The following RAB11FIP3 variants were observed in gnomAD, a reference collection of about 807,000 sequenced individuals.
RAB11FIP3 encodes the protein RAB11 family interacting protein 3.
Under a neutral mutation model 77.8 loss-of-function variants are expected in RAB11FIP3, and 17 were observed. The ratio of observed to expected loss-of-function variants is 0.22; its 90% CI spans 0.15 to 0.33. RAB11FIP3 has a LOEUF of 0.33. Ranked by LOEUF, RAB11FIP3 falls within the 10% of genes least tolerant of loss-of-function variation. The pLI is 1.00. For synonymous variants in RAB11FIP3, 437 were observed against 448.2 expected (o/e 0.98, Z 0.31); for missense variants, 1,005 against 1,011.2 (o/e 0.99, Z 0.08).
chr16:464,820 G>A (rs112056167), intron 2 of RAB11FIP3, among the ~76,000 whole-genome samples: 2,909 of 152,294 alleles, frequency 0.019, 109 homozygotes, highest in African/African-American at 0.065. Context: ...AGGAGGTGGA[G>A]GCTGCAGTGA....
intron 1 of RAB11FIP3, among the ~76,000 whole-genome samples, chr16:446,703 G>T (rs953399956): frequency 6.8e-6 from 1 of 148,040 alleles, no homozygotes; most frequent in Non-Finnish European, 1.5e-5. Flanking sequence ...AAACTTTTTT[G>T]TTTTTTTTTT....
chr16:516,377 T>A (rs1367164194), intron 9 of RAB11FIP3, among the ~76,000 whole-genome samples: 1 of 152,096 alleles, frequency 6.6e-6, no homozygotes, highest in Non-Finnish European at 1.5e-5. Context: ...TGCAGCAATG[T>A]GTAGTATCTG....
intron 2 of RAB11FIP3, among the ~76,000 whole-genome samples, chr16:467,033 G>C (rs927178248): frequency 6.6e-6 from 1 of 152,192 alleles, no homozygotes; most frequent in Non-Finnish European, 1.5e-5. Context: ...GAGTGCTGTC[G>C]AACCAGCCTG....
At chr16:454,466 A>C (rs1207733433) in intron 1 of RAB11FIP3, among the ~76,000 whole-genome samples, 4 of 152,142 alleles carry the variant, frequency 2.6e-5, no homozygotes, top group Non-Finnish European at 5.9e-5. Context: ...AGTCCCAGCT[A>C]CTCAGGAGGC....
chr16:440,538 G>T (rs551237258), intron 1 of RAB11FIP3, among the ~76,000 whole-genome samples: 3 of 152,320 alleles, frequency 2.0e-5, no homozygotes, highest in South Asian at 4.1e-4. Flanking sequence ...TCTCAGCTAG[G>T]CCTGGCCAGC....
intron 10 of RAB11FIP3, 70 bp downstream of exon 10, chr16:519,094 G>A (rs2032553446): frequency 1.3e-6 from 2 of 1,498,030 alleles, no homozygotes; most frequent in Non-Finnish European, 1.9e-6. Context: ...GGCAGCTGAG[G>A]TAGCCCTGAG....
intron 1 of RAB11FIP3, among the ~76,000 whole-genome samples, chr16:427,682 C>G (rs545785042): frequency 6.6e-6 from 1 of 152,198 alleles, no homozygotes; most frequent in Non-Finnish European, 1.5e-5. Flanking sequence ...TGTATTTTGA[C>G]TTCTCACACA....
chr16:487,706 G>A (rs1317966508), intron 4 of RAB11FIP3, among the ~76,000 whole-genome samples: 4 of 152,076 alleles, frequency 2.6e-5, no homozygotes, highest in Admixed American at 6.5e-5. Flanking sequence ...AGTGGGGACC[G>A]CTAGGGCACA....
intron 1 of RAB11FIP3, among the ~76,000 whole-genome samples, chr16:438,185 G>T (rs2055163446): frequency 6.6e-6 from 1 of 151,958 alleles, no homozygotes; most frequent in Non-Finnish European, 1.5e-5. Context: ...TCCACTTACT[G>T]CAACCTCCGC....
intron 12 of RAB11FIP3, 36 bp from the exon 13 acceptor site, chr16:520,423 G>A (rs774269419): frequency 3.7e-6 from 6 of 1,609,614 alleles, no homozygotes; most frequent in Admixed American, 1.7e-5. Context: ...CACCAGCAGG[G>A]GCCACAGCCC....
chr16:460,223 C>G (rs1404934445), intron 1 of RAB11FIP3, among the ~76,000 whole-genome samples: 1 of 152,110 alleles, frequency 6.6e-6, no homozygotes, highest in East Asian at 1.9e-4. Context: ...ATTCTGGACA[C>G]AAGTCATTTA....
rs2031899348 is a variant in RAB11FIP3, at chr16:506,839, G to C, written c.1499+1212G>C. ...GCCTGCTACCAGCCCCTGCTGCAGA[G>C]TGGAGAGGGGCCAGGCATGCTGGTG... On this transcript the variant is annotated intron_variant, in intron 8 of 13. Coordinates refer to ENST00000262305, the MANE Select transcript of RAB11FIP3 (RefSeq NM_014700.4). The surrounding 1 kb of genome is among the most constrained non-coding windows in gnomAD (Gnocchi z 4.5). Among the ~76,000 whole-genome samples, 1 of 152,254 alleles carries C rather than the reference G, an allele frequency of 6.6e-6. No homozygotes were observed. Among genetic ancestry groups the C allele is most frequent in the African/African-American group, 2.4e-5 (1 of 41,464 alleles).
chr16:491,788 T>G (rs1023050582), intron 5 of RAB11FIP3, among the ~76,000 whole-genome samples: 1 of 152,152 alleles, frequency 6.6e-6, no homozygotes, highest in East Asian at 1.9e-4. Flanking sequence ...TTGCACATAT[T>G]GACGTGCCCG....
intron 1 of RAB11FIP3, among the ~76,000 whole-genome samples, chr16:441,225 C>T (rs1003682190): frequency 2.6e-5 from 4 of 152,180 alleles, no homozygotes; most frequent in Non-Finnish European, 4.4e-5. Context: ...TATAGGCCAC[C>T]GTCGCCATCG....
intron 9 of RAB11FIP3, among the ~76,000 whole-genome samples, chr16:515,224 A>T (rs1347731864): frequency 6.6e-6 from 1 of 152,266 alleles, no homozygotes; most frequent in Non-Finnish European, 1.5e-5. Flanking sequence ...AATAGAATTA[A>T]AACATAATTT....
intron 3 of RAB11FIP3, 85 bp from the exon 4 acceptor site, chr16:482,440 C>T (rs1369377184): frequency 1.5e-6 from 2 of 1,298,028 alleles, no homozygotes; most frequent in South Asian, 2.4e-5. Context: ...CTGCCCTCTC[C>T]AGGGCCTTGC....
intron 3 of RAB11FIP3, among the ~76,000 whole-genome samples, chr16:480,149 G>T (rs1275974221): frequency 6.6e-6 from 1 of 151,718 alleles, no homozygotes; most frequent in Non-Finnish European, 1.5e-5. Flanking sequence ...TAGTGGCGTG[G>T]TGGCACGCAT....
chr16:448,142 A>G (rs1226331350), intron 1 of RAB11FIP3, among the ~76,000 whole-genome samples: 1 of 149,804 alleles, frequency 6.7e-6, no homozygotes, highest in East Asian at 2.0e-4. Context: ...ACATGGTGAA[A>G]CCAATCTCTA....
chr16:426,511 G>A lies in RAB11FIP3; in HGVS notation c.505G>A (p.Ala169Thr), dbSNP rs758831306. 4 of 1,559,338 alleles carry A rather than the reference G, an allele frequency of 2.6e-6. No individual in the cohort carries two copies. In the South Asian group the frequency reaches 4.7e-5, roughly 18 times the overall value. Residue 169 changes from alanine to threonine, a missense_variant, in exon 1 of 14, where the codon GCG becomes ACG. Physicochemically the swap from Ala to Thr is moderately conservative, Grantham distance 58 (BLOSUM62 0). This residue lies in a region of RAB11FIP3 where 466 missense variants were observed against 408.3 expected (regional missense o/e 1.14). Transcript: ENST00000262305. This position sits in a 1 kb window ranked among gnomAD's most constrained non-coding sequence, Gnocchi z 5.0. The stretch of plus-strand genomic sequence containing the variant: ...CTTCTCTCCCTTCCCCGCGCCCACG[G>A]CGGGCGAGCTGGCGCTGGAGCAAGG... ...DVFSPFPAPT[A>T]GELALEQGPG...
Sources: allele counts gnomAD v4.1 joint callset (sites outside exome capture counted in the v4.1 genomes callset), GRCh38; gene constraint gnomAD v4.1.1; regional missense constraint gnomAD v4.1.1; non-coding constraint Gnocchi (gnomAD v3.1); transcripts MANE v1.5; gene names NCBI Gene and HGNC (gene_info 2026-07-23, HGNC 2026-07-21).